The following INTS6 variants were observed in gnomAD, a reference collection of about 807,000 sequenced individuals.
INTS6 encodes the protein integrator complex subunit 6.
In INTS6, 16 loss-of-function variants were observed where a neutral mutation model predicts 104.9. The ratio of observed to expected loss-of-function variants is 0.15; its 90% confidence interval spans 0.10 to 0.23. The LOEUF is 0.23. Among genes scored for constraint, INTS6 ranks in the 10% least tolerant of loss-of-function variants. INTS6 has a pLI of 1.00. For synonymous variants in INTS6, 324 were observed against 358.7 expected (o/e 0.90, Z 1.09); for missense variants, 584 against 1,062.8 (o/e 0.55, Z 6.26).
chr13:51,397,554 G>T (rs146405126), intron 4 of INTS6, among the ~76,000 whole-genome samples: 3 of 152,284 alleles, frequency 2.0e-5, no homozygotes, highest in Non-Finnish European at 4.4e-5. Context: ...CCAGGCCCTT[G>T]CTGCTATTAC....
intron 4 of INTS6, among the ~76,000 whole-genome samples, chr13:51,417,752 C>A (rs1012206683): frequency 5.9e-5 from 9 of 152,194 alleles, no homozygotes; most frequent in African/African-American, 1.9e-4. Context: ...CTACTGCACC[C>A]GGCCAGAAAA....
chr13:51,420,482 A>G (rs1475458057), intron 4 of INTS6, among the ~76,000 whole-genome samples: 1 of 152,096 alleles, frequency 6.6e-6, no homozygotes, highest in Non-Finnish European at 1.5e-5. Flanking sequence ...AACTTTTTCC[A>G]AAATACTCAA....
In INTS6 at chr13:51,398,450, T is replaced by A. The variant is rs1292255163; in HGVS notation, c.430-2967A>T. ...GAAATCCATATGACCTATAAACATG[T>A]AGGAAGATGATGAAATACACTAGTT... On this transcript the variant is annotated intron_variant, in intron 4 of 17. Transcript: ENST00000311234. 2.6e-5 allele frequency among the ~76,000 whole-genome samples: 4 copies of A among 152,152 alleles called. No homozygotes were observed. The South Asian group carries it at 8.3e-4, about 32-fold the overall frequency.
intron 6 of INTS6, 152 bp from the exon 7 acceptor site, chr13:51,387,692 T>C (rs1215412750): frequency 3.4e-6 from 2 of 587,192 alleles, no homozygotes; most frequent in Non-Finnish European, 5.6e-6. Context: ...CAGAACACTA[T>C]GTCTGCTGAA....
chr13:51,344,568 T>C, the INTS6 span: 1 of 1,133,416 alleles, frequency 8.8e-7, no homozygotes, highest in Admixed American at 2.0e-5. Flanking sequence ...TCAGAGGCCA[T>C]GGTGCTCAGG....
At chr13:51,425,066 AT>A (rs1196692244) in intron 4 of INTS6, among the ~76,000 whole-genome samples, 2 of 152,032 alleles carry the variant, frequency 1.3e-5, no homozygotes, top group Non-Finnish European at 2.9e-5. Flanking sequence ...ATCATTTCAG[AT>A]ACTAGAAACT....
In INTS6 at chr13:51,388,359, T is replaced by C. The variant is rs146506724; in HGVS notation, c.740-819A>G. On this transcript the variant is annotated intron_variant, in intron 6 of 17. Transcript: ENST00000311234. ...TTAAATGATTCTCTAAATCTTTGTG[T>C]GTGTGTGTGTTTTGTTTTTTTTTGT... 1.8e-4 allele frequency among the ~76,000 whole-genome samples: 28 copies of C among 151,768 alleles called. No individual in the cohort carries two copies. The East Asian group carries it at 4.7e-3, about 25-fold the overall frequency.
chr13:51,386,505 C>T (rs556313072), intron 7 of INTS6, among the ~76,000 whole-genome samples: 18 of 152,060 alleles, frequency 1.2e-4, no homozygotes, highest in Admixed American at 1.1e-3. Context: ...ATTTAGAAAA[C>T]CTTAACTTCA....
chr13:51,419,104 T>G (rs1956848949), intron 4 of INTS6, among the ~76,000 whole-genome samples: 1 of 152,194 alleles, frequency 6.6e-6, no homozygotes, highest in South Asian at 2.1e-4. Context: ...TCATTCCTTT[T>G]TATTGCTAAA....
chr13:51,377,616 T>C (rs368122447), intron 12 of INTS6, among the ~76,000 whole-genome samples: 3 of 152,148 alleles, frequency 2.0e-5, no homozygotes, highest in East Asian at 1.9e-4. Flanking sequence ...TTGTTAAGAA[T>C]TGACTGTGTG....
chr13:51,440,250 CAAAAA>C (rs113333528), intron 3 of INTS6: 1 of 101,922 alleles, frequency 9.8e-6, no homozygotes, highest in Non-Finnish European at 2.1e-5. Context: ...GACTCCATCT[CAAAAA>C]AAAAAAAAGT....
At chr13:51,377,766 A>C (rs1480277714) in intron 12 of INTS6, among the ~76,000 whole-genome samples, 1 of 152,120 alleles carries the variant, frequency 6.6e-6, no homozygotes, top group Non-Finnish European at 1.5e-5. Flanking sequence ...TTCCAACTTT[A>C]TTCTTCTAAA....
intron 3 of INTS6, chr13:51,447,222 T>C (rs1952936461): frequency 6.6e-6 from 1 of 152,146 alleles, no homozygotes; most frequent in African/African-American, 2.4e-5. Flanking sequence ...TTGTTGATAA[T>C]CTAAGAGAAA....
At chr13:51,361,439 C>A, downstream of INTS6, 1 of 920,268 alleles carries the variant, frequency 1.1e-6, no homozygotes, top group Non-Finnish European at 1.7e-6. Flanking sequence ...TGAATCTTCA[C>A]ACTTCTGAAT....
At chr13:51,360,307 G>A (rs1309078067), downstream of INTS6, among the ~76,000 whole-genome samples, 1 of 151,972 alleles carries the variant, frequency 6.6e-6, no homozygotes, top group African/African-American at 2.4e-5. Context: ...CTGAAAGGCG[G>A]CAGTGTTTGA....
intron 17 of INTS6, 44 bp downstream of exon 17, chr13:51,367,761 G>A (rs1385039608): frequency 3.7e-6 from 4 of 1,094,944 alleles, no homozygotes; most frequent in Non-Finnish European, 5.5e-6. Context: ...ATAAACTGTG[G>A]ACTCATTTCA....
intron 3 of INTS6, chr13:51,441,397 A>C (rs1358533957): frequency 2.0e-5 from 3 of 152,212 alleles, no homozygotes; most frequent in Non-Finnish European, 4.4e-5. Flanking sequence ...AGGTCTTTTC[A>C]TTCTATTTGT....
At chr13:51,416,651 C>T (rs1443003562) in intron 4 of INTS6, among the ~76,000 whole-genome samples, 1 of 152,072 alleles carries the variant, frequency 6.6e-6, no homozygotes, top group Non-Finnish European at 1.5e-5. Context: ...TTGTTTCCAC[C>T]TTTTGGCTAT....
chr13:51,397,020 G>A (rs1410808323), intron 4 of INTS6, among the ~76,000 whole-genome samples: 3 of 151,834 alleles, frequency 2.0e-5, no homozygotes, highest in African/African-American at 4.8e-5. Flanking sequence ...CTCAGTTTAG[G>A]GCTTTTTTCT....
Sources: allele counts gnomAD v4.1 joint callset (sites outside exome capture counted in the v4.1 genomes callset), GRCh38; gene constraint gnomAD v4.1.1; transcripts MANE v1.5; gene names NCBI Gene and HGNC (gene_info 2026-07-23, HGNC 2026-07-21).